The following CNOT10 variants were observed in gnomAD, a reference collection of about 807,000 sequenced individuals.
CNOT10 encodes the protein CCR4-NOT transcription complex, subunit 10.
In CNOT10, 30 loss-of-function variants were observed where a neutral mutation model predicts 94.6. That is an observed-to-expected ratio of 0.32 (90% CI 0.24 to 0.43). CNOT10 has a LOEUF of 0.43. CNOT10 is among the 20% of genes least tolerant of loss of function. The pLI is 1.00. For missense variants in CNOT10, 759 were observed against 877.2 expected, an observed-to-expected ratio of 0.87 and a Z score of 1.70; for synonymous variants, 289 against 301.6, an observed-to-expected ratio of 0.96 and a Z score of 0.43.
At chr3:32,697,344 GGT>G (rs1697122863) in intron 1 of CNOT10, among the ~76,000 whole-genome samples, 1 of 152,194 alleles carries the variant, frequency 6.6e-6, no homozygotes, top group Admixed American at 6.5e-5. Context: ...TCAACACCTG[GGT>G]GAGTTGTTGG....
chr3:32,685,586 T>C (rs990626086), intron 1 of CNOT10, 104 bp downstream of exon 1: 8 of 1,298,962 alleles, frequency 6.2e-6, no homozygotes, highest in Non-Finnish European at 7.5e-6. Flanking sequence ...CCAGGGCGAC[T>C]TGAATTTGGG....
chr3:32,754,719 G>A (rs186074291), intron 13 of CNOT10, among the ~76,000 whole-genome samples: 9 of 147,262 alleles, frequency 6.1e-5, no homozygotes, highest in South Asian at 2.2e-4. Context: ...ACGGGGTTTC[G>A]CCATGTTAGT....
chr3:32,686,104 T>C (rs1302332477), intron 1 of CNOT10, among the ~76,000 whole-genome samples: 1 of 152,176 alleles, frequency 6.6e-6, no homozygotes, highest in Non-Finnish European at 1.5e-5. Flanking sequence ...GCTCCTAAAA[T>C]CTTGCATTTG....
intron 2 of CNOT10, among the ~76,000 whole-genome samples, chr3:32,704,470 T>A (rs74638813): frequency 6.6e-6 from 1 of 152,122 alleles, no homozygotes; most frequent in Non-Finnish European, 1.5e-5. Context: ...AAAATATATT[T>A]ACTAGAAAAT....
rs1250056584 is a variant in CNOT10 at position 32,725,448 on chromosome 3, A to G, written c.863-2A>G. 1 of 1,611,196 alleles carries G rather than the reference A, an allele frequency of 6.2e-7. No homozygotes were observed. The highest frequency in any genetic ancestry group is 8.5e-7 in the Non-Finnish European group (1 of 1,178,932). ...GGACAAATTTATTTGCATTTTTTTCAGGTGAATGCTTGAGATGCATGTTCT... is the reference window on the plus strand; with the variant it reads ...GGACAAATTTATTTGCATTTTTTTCGGGTGAATGCTTGAGATGCATGTTCT... On this transcript the variant is annotated splice_acceptor_variant, in intron 8 of 18. Coordinates refer to ENST00000328834, the MANE Select transcript of CNOT10 (RefSeq NM_015442.3). LOFTEE classifies it high-confidence loss of function.
At chr3:32,764,128 CA>C (rs938433527) in intron 15 of CNOT10, 513 of 206,488 alleles carry the variant, frequency 2.5e-3, no homozygotes, top group Non-Finnish European at 3.2e-3. Flanking sequence ...ACTCCATCTC[CA>C]AAAAAAAAAC....
intron 13 of CNOT10, among the ~76,000 whole-genome samples, chr3:32,757,801 TGAA>T (rs1473455067): frequency 6.6e-6 from 1 of 152,182 alleles, no homozygotes; most frequent in Non-Finnish European, 1.5e-5. Flanking sequence ...AGCCAGCTGT[TGAA>T]GAGCCAGAAA....
chr3:32,760,854 C>T (rs1003454523), intron 14 of CNOT10, among the ~76,000 whole-genome samples: 3 of 150,120 alleles, frequency 2.0e-5, no homozygotes, highest in South Asian at 2.1e-4. Context: ...TAAGGCCAGG[C>T]GCTGTGGCTC....
In CNOT10 at chr3:32,759,518, T is replaced by G; in HGVS notation, c.1656T>G (p.Ala552=). 2 of 1,614,114 alleles carry G rather than the reference T, an allele frequency of 1.2e-6. No homozygotes were observed. The highest frequency in any genetic ancestry group is 1.7e-6 in the Non-Finnish European group (2 of 1,180,002). ...TGGCTTTGGGTGATAACCTCATGGC[T>G]TTGAATCATGCAGATAAACTTCTTC... is the stretch of plus-strand genomic sequence containing the variant. The part of the protein sequence containing the change: ...VALALGDNLM[A]LNHADKLLQQ... The change falls in exon 14 of 19, where the codon GCT becomes GCG. Residue 552 remains alanine, a synonymous_variant. Coordinates refer to ENST00000328834, the MANE Select transcript of CNOT10 (RefSeq NM_015442.3).
Position 32,695,054 on chromosome 3 carries a change from CCTTT to C in CNOT10, c.23-8813_23-8810del, listed in dbSNP as rs139040966. Among the ~76,000 whole-genome samples, 327 of 152,222 alleles carry C rather than the reference CCTTT, an allele frequency of 2.1e-3. 1 individual carries two copies. Among genetic ancestry groups the C allele is most frequent in the African/African-American group, 7.5e-3 (310 of 41,562 alleles). The stretch of plus-strand genomic sequence containing the variant: ...GATATTATTGATTTGAATTTCTGTT[CCTTT>C]ATTTCTACACTACTGGGCAGGATGC... On this transcript the variant is annotated intron_variant, in intron 1 of 18. Transcript: ENST00000328834.
intron 3 of CNOT10, among the ~76,000 whole-genome samples, chr3:32,707,415 G>A (rs189784128): frequency 5.3e-5 from 8 of 152,028 alleles, no homozygotes; most frequent in Admixed American, 2.6e-4. Flanking sequence ...TTACGGGAAC[G>A]AAACCTGAAA....
intron 10 of CNOT10, among the ~76,000 whole-genome samples, chr3:32,728,256 G>A (rs939319671): frequency 2.6e-5 from 4 of 151,922 alleles, no homozygotes; most frequent in Non-Finnish European, 4.4e-5. Context: ...TCAGCCTCCC[G>A]AAGTGCTGGG....
intron 1 of CNOT10, among the ~76,000 whole-genome samples, chr3:32,691,159 CT>C (rs34462848): frequency 0.38 from 33,039 of 88,032 alleles, 3,999 homozygotes; most frequent in Middle Eastern, 0.45. Context: ...CCACAGCCAG[CT>C]TTTTTTTTTT....
intron 1 of CNOT10, chr3:32,695,968 AGTGTGTGT>A (rs764702440): frequency 0.019 from 8,136 of 431,944 alleles, 38 homozygotes; most frequent in African/African-American, 0.022. Context: ...TGTTGAAGAG[AGTGTGTGT>A]GTGTGTGTGT....
At chr3:32,767,700 G>C (rs1700711597) in intron 17 of CNOT10, among the ~76,000 whole-genome samples, 2 of 152,060 alleles carry the variant, frequency 1.3e-5, no homozygotes, top group African/African-American at 4.8e-5. Context: ...TTAAGTGACA[G>C]GCTGTCCAGG....
chr3:32,698,868 C>T (rs1015424778), intron 1 of CNOT10, among the ~76,000 whole-genome samples: 1 of 152,198 alleles, frequency 6.6e-6, no homozygotes, highest in African/African-American at 2.4e-5. Context: ...TCACTGCACA[C>T]TCCACCTCCT....
chr3:32,737,565 C>G, intron 13 of CNOT10, 75 bp downstream of exon 13: 1 of 931,482 alleles, frequency 1.1e-6, no homozygotes, highest in East Asian at 2.7e-5. Flanking sequence ...TGGCTCATAC[C>G]TCTAATCCCA....
chr3:32,727,558 A>G (rs1475360319), intron 9 of CNOT10, 110 bp from the exon 10 acceptor site: 1 of 724,396 alleles, frequency 1.4e-6, no homozygotes, highest in African/African-American at 1.8e-5. Context: ...TCAGATCAGG[A>G]TTATTGGTGT....
intron 14 of CNOT10, among the ~76,000 whole-genome samples, chr3:32,762,018 A>G (rs13070727): frequency 0.99 from 148,874 of 150,966 alleles, 73,444 homozygotes; most frequent in East Asian, 1. Flanking sequence ...GTGATCTGCC[A>G]TCTTGGCCTC....
Sources: allele counts gnomAD v4.1 joint callset (sites outside exome capture counted in the v4.1 genomes callset), GRCh38; gene constraint gnomAD v4.1.1; transcripts MANE v1.5; gene names NCBI Gene and HGNC (gene_info 2026-07-23, HGNC 2026-07-21).